LIG1: variants seen among roughly 807,000 people sequenced by gnomAD.
LIG1 encodes the protein DNA ligase 1.
LIG1 carries 70 observed loss-of-function variants against 115.7 expected under a neutral mutation model. The observed-to-expected ratio is 0.60, with a 90% CI of 0.50 to 0.74. The LOEUF (loss-of-function observed/expected upper bound fraction) is 0.74, where lower values mean the gene tolerates loss of function less well. LIG1 is among the 30% of genes least tolerant of loss of function. LIG1 has a pLI of 0.00. For synonymous variants in LIG1, 487 were observed against 495.3 expected, an observed-to-expected ratio of 0.98 and a Z score of 0.22; for missense variants, 1,115 against 1,225.6, an observed-to-expected ratio of 0.91 and a Z score of 1.35.
At chr19:48,157,272 CAG>C in intron 4 of LIG1, 132 bp from the exon 5 acceptor site, 1 of 979,722 alleles carries the variant, frequency 1.0e-6, no homozygotes, top group Non-Finnish European at 1.4e-6. Flanking sequence ...AGCCCTAACT[CAG>C]GGGTGGCCTC....
At chr19:48,135,802 C>T in intron 15 of LIG1, 23 bp from the exon 16 acceptor site, 1 of 1,593,680 alleles carries the variant, frequency 6.3e-7, no homozygotes, top group African/African-American at 1.3e-5. Flanking sequence ...CCACCAGAGG[C>T]TTTGGAAGGC....
intron 1 of LIG1, chr19:48,169,636 C>T (rs576777629): frequency 6.2e-6 from 1 of 162,270 alleles, no homozygotes; most frequent in African/African-American, 2.4e-5. Flanking sequence ...CATCTCCCTC[C>T]AGTAGGGCCC....
At chr19:48,119,274 A>C in intron 24 of LIG1, 84 bp from the exon 25 acceptor site, 113 of 1,098,902 alleles carry the variant, frequency 1.0e-4, no homozygotes, top group Non-Finnish European at 1.4e-4. Flanking sequence ...GTGTACACTC[A>C]TGGCCCCCAC....
chr19:48,122,801 G>C lies in LIG1; in HGVS notation c.2232+133C>G. 1.2e-6 allele frequency: 1 copy of C among 846,236 alleles called. No individual in the cohort carries two copies. Among genetic ancestry groups the C allele is most frequent in the Non-Finnish European group, 2.1e-6 (1 of 483,996 alleles). The allele number at this position is 846,236 out of a possible 1,614,324, so 52.4% of individuals were successfully genotyped here. On this transcript the variant is annotated intron_variant, in intron 23 of 27. Coordinates refer to ENST00000263274, the MANE Select transcript of LIG1 (RefSeq NM_000234.3). The surrounding 1 kb of genome is among the most constrained non-coding windows in gnomAD (Gnocchi z 4.3). ...AGGTCTGAACTCAGTTGCAGCAGGG[G>C]GCTGGGGTGGGATTGTGAAAAGGGG...
chr19:48,143,761 G>A, intron 10 of LIG1, 122 bp downstream of exon 10: 1 of 1,093,704 alleles, frequency 9.1e-7, no homozygotes, highest in Admixed American at 1.8e-5. Context: ...CAATGCTGCT[G>A]ATTGTCGCCA....
chr19:48,134,074 G>C lies in LIG1; in HGVS notation c.1524-8C>G. 6.4e-7 allele frequency: 1 copy of C among 1,553,722 alleles called. No homozygotes were observed. The highest frequency in any genetic ancestry group is 8.7e-7 in the Non-Finnish European group (1 of 1,147,842). On this transcript the variant is annotated splice_region_variant and splice_polypyrimidine_tract_variant and intron_variant, in intron 16 of 27. Coordinates refer to ENST00000263274, the MANE Select transcript of LIG1 (RefSeq NM_000234.3). ...TCCAGGTCGGGAACCTCGCTGGGGT[G>C]GCGGGTGAGAACAAGATAGGGGAAG...
At position 48,157,027 on chromosome 19, in the gene LIG1, C is replaced by T. The variant is rs111516401; in HGVS notation, c.357G>A (p.Pro119=). 9.9e-5 allele frequency: 160 copies of T among 1,610,574 alleles called. 5 individuals carry two copies. In the African/African-American group the frequency reaches 1.2e-3, roughly 12 times the overall value. ...SPMDSSPSGI[P]KRRTARKQLP... ...GTGTGTTCTCACCTGTGCGACGCTT[C>T]GGAATCCCTGATGGGGAACTGTCCA... The change falls in exon 5 of 28, where the codon CCG becomes CCA. Residue 119 remains proline (P), a synonymous_variant. Transcript: ENST00000263274.
At chr19:48,128,067 G>T (rs912859661) in intron 19 of LIG1, 47 bp from the exon 20 acceptor site, 2 of 1,438,962 alleles carry the variant, frequency 1.4e-6, no homozygotes, top group African/African-American at 2.8e-5. Context: ...GGTGGAAGAT[G>T]AGGTGGAAAG....
chr19:48,164,080 T>C (rs2123056020), intron 2 of LIG1, among the ~76,000 whole-genome samples: 1 of 151,778 alleles, frequency 6.6e-6, no homozygotes, highest in East Asian at 1.9e-4. Flanking sequence ...AAACGGATCA[T>C]AGTAATGTAT....
rs538956382 is a variant in LIG1 at position 48,137,895 on chromosome 19, T to C, written c.1088-207A>G. On this transcript the variant is annotated intron_variant, in intron 12 of 27. Coordinates refer to ENST00000263274, the MANE Select transcript of LIG1 (RefSeq NM_000234.3). This position sits in a 1 kb window ranked among gnomAD's most constrained non-coding sequence, Gnocchi z 4.3. The stretch of plus-strand genomic sequence containing the variant: ...GCTGGCTGTAGGAAGTCAGCAAACA[T>C]GCACGTGGAGCCAGGAAAGCGGTGG... 1.4e-5 allele frequency: 9 copies of C among 636,238 alleles called. No homozygotes were observed. Among genetic ancestry groups the C allele is most frequent in the Admixed American group, 1.2e-4 (5 of 40,122 alleles). The allele number at this position is 636,238 out of a possible 1,614,324, so 39.4% of individuals were successfully genotyped here. A position where few individuals can be genotyped will look rare whatever the true frequency, so the allele number is the denominator to read the frequency against.
At chr19:48,130,550 T>A (rs2033951091) in intron 19 of LIG1, among the ~76,000 whole-genome samples, 1 of 152,102 alleles carries the variant, frequency 6.6e-6, no homozygotes, top group South Asian at 2.1e-4. Context: ...CCTCCCCGCG[T>A]TCCTGGCTGG....
intron 18 of LIG1, among the ~76,000 whole-genome samples, chr19:48,131,852 C>T (rs2034044636): frequency 6.6e-6 from 1 of 151,752 alleles, no homozygotes; most frequent in South Asian, 2.1e-4. Context: ...AAATCATTGT[C>T]ACTATCGTAA....
intron 24 of LIG1, 138 bp downstream of exon 24, chr19:48,121,027 AAAAGT>A: frequency 6.6e-7 from 1 of 1,523,458 alleles, no homozygotes; most frequent in South Asian, 1.3e-5. Context: ...TAGAACCAGA[AAAAGT>A]AAATAAAAAC....
chr19:48,136,316 G>A (rs2034388452), intron 14 of LIG1, among the ~76,000 whole-genome samples, 191 bp from the exon 15 acceptor site: 1 of 152,354 alleles, frequency 6.6e-6, no homozygotes, highest in South Asian at 2.1e-4. Flanking sequence ...GAGCCAGGCA[G>A]TAATGATCCT....
Position 48,151,295 on chromosome 19 carries a change from TG to T in LIG1, c.510del (p.Thr171GlnfsTer18). On this transcript the variant is annotated frameshift_variant, in exon 7 of 28. Transcript: ENST00000263274. LOFTEE classifies it high-confidence loss of function. Reference sequence around the variant, plus strand: ...TCCCCGTCTTCTCCTTCCTTCTCTGTGGCCACTTCAGCCTCTGTGAGGCTTT... The same window carrying T: ...TCCCCGTCTTCTCCTTCCTTCTCTGTGCCACTTCAGCCTCTGTGAGGCTTT... The part of the protein sequence containing the change: ...PKESLTEAEV[A>X]TEKEGEDGDQ... 1 of 1,613,898 alleles carries T rather than the reference TG, an allele frequency of 6.2e-7. No individual in the cohort carries two copies. The highest frequency in any genetic ancestry group is 1.1e-5 in the South Asian group (1 of 91,060).
rs1372655505 is a variant in LIG1 at position 48,123,204 on chromosome 19, T to C, written c.2119A>G (p.Ile707Val). The C allele has an allele frequency of 3.1e-6, 5 of 1,613,962 alleles. No individual in the cohort carries two copies. The highest frequency in any genetic ancestry group is 2.7e-5 in the African/African-American group (2 of 74,896). Reference sequence around the variant, plus strand: ...ACTGACTGCTCCAGGAACTCGGCGATCTGCTCGATGTCCTTGGTGTCCAGG... The same window carrying C: ...ACTGACTGCTCCAGGAACTCGGCGACCTGCTCGATGTCCTTGGTGTCCAGG... ...TSLDTKDIEQ[I>V]AEFLEQSVKD... Residue 707 changes from isoleucine to valine, a missense_variant, in exon 22 of 28, where the codon ATC becomes GTC. Transcript: ENST00000263274.
In LIG1 at chr19:48,119,186, C is replaced by G; in HGVS notation, c.2390G>C (p.Gly797Ala). Residue 797 changes from glycine to alanine, a missense_variant, in exon 25 of 28, where the codon GGA becomes GCA. Physicochemically the swap from Gly to Ala is moderately conservative, Grantham distance 60 (BLOSUM62 0). Coordinates refer to ENST00000263274, the MANE Select transcript of LIG1 (RefSeq NM_000234.3). ...CAGCTCCTCATCACTGAAGCCAGTT[C>G]CAAGCTGCAGGGAGGAAGCGGGAGG... Reference protein sequence around the residue: ...SEELQAICKLGTGFSDEELEE... With the variant: ...SEELQAICKLATGFSDEELEE... The G allele has an allele frequency of 6.3e-7, 1 of 1,584,604 alleles. No individual in the cohort carries two copies. The highest frequency in any genetic ancestry group is 8.6e-7 in the Non-Finnish European group (1 of 1,165,468).
chr19:48,155,352 A>G (rs543644713), intron 5 of LIG1, among the ~76,000 whole-genome samples: 3 of 152,180 alleles, frequency 2.0e-5, no homozygotes, highest in African/African-American at 7.2e-5. Context: ...GTCGCATCCG[A>G]TTCTCCAGAA....
In LIG1 at chr19:48,143,595, G is replaced by A; in HGVS notation, c.862C>T (p.Pro288Ser). Residue 288 changes from proline (P) to serine (S), a missense_variant, in exon 11 of 28, where the codon CCT becomes TCT. Pro to Ser is a moderately conservative substitution (Grantham distance 74). Transcript: ENST00000263274. ...AACGTCCGGGCCACAGCCAGGTAAG[G>A]AACCCTAGGGAAGGAAAAGAGACGC... ...DACWKPGQKVPYLAVARTFEK... is the reference protein window; with the variant it reads ...DACWKPGQKVSYLAVARTFEK... 1 of 1,610,368 alleles carries A rather than the reference G, an allele frequency of 6.2e-7. No homozygotes were observed. The highest frequency in any genetic ancestry group is 8.5e-7 in the Non-Finnish European group (1 of 1,178,760).
Sources: allele counts gnomAD v4.1 joint callset (sites outside exome capture counted in the v4.1 genomes callset), GRCh38; gene constraint gnomAD v4.1.1; non-coding constraint Gnocchi (gnomAD v3.1); transcripts MANE v1.5; gene names NCBI Gene and HGNC (gene_info 2026-07-23, HGNC 2026-07-21).